LSAMP: variants seen among roughly 807,000 people sequenced by gnomAD.
LSAMP encodes limbic system-associated membrane protein.
Under a neutral mutation model 38.6 loss-of-function variants are expected in LSAMP, and 7 were observed. The observed-to-expected ratio is 0.18, with a 90% CI of 0.10 to 0.34. LSAMP has a LOEUF of 0.34. Among genes scored for constraint, LSAMP ranks in the 10% least tolerant of loss-of-function variants. The pLI, the probability that LSAMP is intolerant of heterozygous loss-of-function variation, is 1.00. For synonymous variants in LSAMP, 154 were observed against 166.8 expected, an observed-to-expected ratio of 0.92 and a Z score of 0.59; for missense variants, 313 against 420.0, an observed-to-expected ratio of 0.75 and a Z score of 2.23.
At chr3:116,075,380 C>T (rs1707716101) in intron 2 of LSAMP, among the ~76,000 whole-genome samples, 1 of 151,886 alleles carries the variant, frequency 6.6e-6, no homozygotes, top group Admixed American at 6.6e-5. Context: ...TCGTGATCCG[C>T]CCGCCTCAGC....
rs1559766428 is a variant in LSAMP, at chr3:116,164,756, ATATATT to A, written c.156-78206_156-78201del. On this transcript the variant is annotated intron_variant, in intron 1 of 6. Coordinates refer to ENST00000490035, the MANE Select transcript of LSAMP (RefSeq NM_002338.5). ...TATATATATATCCATATATATATAT[ATATATT>A]TTTTTTTTTTTTCAAGTAGCATCTA... Among the ~76,000 whole-genome samples the A allele has an allele frequency of 1.3e-4, 7 of 55,992 alleles. 1 individual carries two copies. Among genetic ancestry groups the A allele is most frequent in the African/African-American group, 3.7e-4 (7 of 18,734 alleles). The allele number at this position is 55,992 out of a possible 152,430, so 36.7% of individuals were successfully genotyped here. A position where few individuals can be genotyped will look rare whatever the true frequency, so the allele number is the denominator to read the frequency against.
chr3:116,341,481 A>T (rs2047994633), intron 1 of LSAMP, among the ~76,000 whole-genome samples: 1 of 152,000 alleles, frequency 6.6e-6, no homozygotes, highest in Non-Finnish European at 1.5e-5. Flanking sequence ...CTCAGATGTC[A>T]TATAAATTGA....
chr3:116,090,289 G>A (rs970078617), intron 1 of LSAMP, among the ~76,000 whole-genome samples: 8 of 151,880 alleles, frequency 5.3e-5, no homozygotes, highest in South Asian at 4.1e-4. Context: ...AGAGGTCTAC[G>A]TTTATTAAGA....
chr3:116,094,113 A>T (rs1164648061), intron 1 of LSAMP, among the ~76,000 whole-genome samples: 1 of 152,224 alleles, frequency 6.6e-6, no homozygotes, highest in East Asian at 1.9e-4. Flanking sequence ...AAAAATAAAT[A>T]CCAAGTTAGT....
At chr3:116,337,604 A>C (rs2047937552) in intron 1 of LSAMP, among the ~76,000 whole-genome samples, 1 of 152,038 alleles carries the variant, frequency 6.6e-6, no homozygotes, top group Non-Finnish European at 1.5e-5. Flanking sequence ...AATATCAAAG[A>C]AGACTCTTAC....
chr3:116,148,278 C>T (rs1709532999), intron 1 of LSAMP, among the ~76,000 whole-genome samples: 1 of 151,824 alleles, frequency 6.6e-6, no homozygotes, highest in African/African-American at 2.4e-5. Context: ...AGTGGATGTC[C>T]TTTTAAAAGA....
chr3:115,839,985 C>G (rs1304510962), intron 6 of LSAMP, among the ~76,000 whole-genome samples: 2 of 152,212 alleles, frequency 1.3e-5, no homozygotes, highest in Non-Finnish European at 2.9e-5. Flanking sequence ...ATGTTACCTT[C>G]CATGACCACG....
intron 1 of LSAMP, among the ~76,000 whole-genome samples, chr3:116,165,609 A>G (rs1261939753): frequency 2.0e-5 from 3 of 152,164 alleles, no homozygotes; most frequent in Non-Finnish European, 4.4e-5. Flanking sequence ...AATAATAATT[A>G]AGGAAAATTT....
At chr3:116,305,547 G>GA (rs199767566) in intron 1 of LSAMP, among the ~76,000 whole-genome samples, 8,267 of 147,152 alleles carry the variant, frequency 0.056, 287 homozygotes, top group Non-Finnish European at 0.08. Context: ...CAGCTTGCAC[G>GA]AAAAAAAAAT....
chr3:116,341,795 A>G (rs562023473), intron 1 of LSAMP, among the ~76,000 whole-genome samples: 1 of 152,162 alleles, frequency 6.6e-6, no homozygotes, highest in East Asian at 1.9e-4. Context: ...CTAAGGTACC[A>G]TCAGGCTCCT....
intron 2 of LSAMP, among the ~76,000 whole-genome samples, chr3:116,055,019 G>A (rs1001904547): frequency 6.6e-6 from 1 of 152,148 alleles, no homozygotes; most frequent in Non-Finnish European, 1.5e-5. Flanking sequence ...CTGAGTATAG[G>A]TGACATAAGA....
chr3:116,212,418 A>AAG (rs2046169903), intron 1 of LSAMP, among the ~76,000 whole-genome samples: 1 of 152,178 alleles, frequency 6.6e-6, no homozygotes, highest in Non-Finnish European at 1.5e-5. Context: ...CAGAATAGAG[A>AAG]AGAAAGTCAT....
At chr3:116,376,849 TCTC>T (rs1286363962) in intron 1 of LSAMP, among the ~76,000 whole-genome samples, 1 of 152,014 alleles carries the variant, frequency 6.6e-6, no homozygotes, top group Non-Finnish European at 1.5e-5. Context: ...TTCAATAACT[TCTC>T]CACAGATATT....
intron 1 of LSAMP, among the ~76,000 whole-genome samples, chr3:116,381,952 G>A (rs1021725692): frequency 2.0e-5 from 3 of 152,054 alleles, no homozygotes; most frequent in African/African-American, 4.8e-5. Context: ...TTTTTGTACA[G>A]CGTTTGAGAC....
rs573761338 is a variant in LSAMP, at chr3:116,076,761, C to T, written c.388+9563G>A. ...TTGTGTTGCCATTCAAGAATTATTT[C>T]GTTCTATTGTAAAACAACAGCAAAA... On this transcript the variant is annotated intron_variant, in intron 2 of 6. Transcript: ENST00000490035. 3.9e-5 allele frequency among the ~76,000 whole-genome samples: 6 copies of T among 152,054 alleles called. No individual in the cohort carries two copies. The East Asian group carries it at 7.7e-4, about 20-fold the overall frequency.
intron 1 of LSAMP, among the ~76,000 whole-genome samples, chr3:116,428,496 T>TA (rs1030554074): frequency 3.9e-5 from 6 of 152,158 alleles, no homozygotes; most frequent in African/African-American, 1.4e-4. Context: ...GTCCACTTTT[T>TA]AAAAAACCTA....
intron 1 of LSAMP, among the ~76,000 whole-genome samples, chr3:116,396,677 A>G (rs2048772095): frequency 6.6e-6 from 1 of 152,164 alleles, no homozygotes. Flanking sequence ...CATCCTGGAT[A>G]TCTCCCTTGG....
chr3:116,013,196 C>T (rs1576307020), intron 3 of LSAMP, among the ~76,000 whole-genome samples: 1 of 152,122 alleles, frequency 6.6e-6, no homozygotes, highest in East Asian at 1.9e-4. Context: ...GATGCTAGGG[C>T]ATTTGTCCAA....
chr3:116,156,611 C>T (rs1014986281), intron 1 of LSAMP, among the ~76,000 whole-genome samples: 3 of 152,036 alleles, frequency 2.0e-5, no homozygotes, highest in Admixed American at 6.6e-5. Context: ...TTTTCTGTGT[C>T]TCAATACTAC....
Sources: gnomAD v4.1 joint callset for allele counts (sites outside exome capture counted in the v4.1 genomes callset) on GRCh38, gnomAD v4.1.1 for gene constraint, MANE v1.5 for transcripts, NCBI Gene and HGNC (gene_info 2026-07-23, HGNC 2026-07-21) for gene names.